The following RLIM variants were observed in gnomAD, a reference collection of about 807,000 sequenced individuals.
RLIM encodes the protein E3 ubiquitin-protein ligase RLIM.
In RLIM, 2 loss-of-function variants were observed where a neutral mutation model predicts 34.0. That is an observed-to-expected ratio of 0.06 (90% CI 0.02 to 0.19). The LOEUF is 0.19. Among genes scored for constraint, RLIM ranks in the 10% least tolerant of loss-of-function variants. The pLI is 1.00. For missense variants in RLIM, 286 were observed against 479.7 expected, an observed-to-expected ratio of 0.60 and a Z score of 3.77; for synonymous variants, 169 against 164.0, an observed-to-expected ratio of 1.03 and a Z score of -0.23.
In RLIM at chrX:74,584,466, T is replaced by C. The variant is rs1569307643; in HGVS notation, c.*6974A>G. Among the ~76,000 whole-genome samples the C allele has an allele frequency of 2.7e-5, 3 of 112,608 alleles. No homozygotes were observed. Among genetic ancestry groups the C allele is most frequent in the Non-Finnish European group, 5.6e-5 (3 of 53,350 alleles). On this transcript the variant is annotated 3_prime_UTR_variant, in exon 4 of 4. Transcript: ENST00000332687. ...TGCAAGGCCTTATAGTTAAATCTTG[T>C]CTAAATTCAAAGACCTCAAAGAAAC...
In RLIM at chrX:74,583,773, C is replaced by T. The variant is rs1213882549; in HGVS notation, c.*7667G>A. On this transcript the variant is annotated 3_prime_UTR_variant, in exon 4 of 4. Coordinates refer to ENST00000332687, the MANE Select transcript of RLIM (RefSeq NM_016120.4). ...AAACAAAAAACAATTTGCGGCCGGG[C>T]GTGGTGGCTCACGCCTGTAATACCA... Among the ~76,000 whole-genome samples, 1 of 111,764 alleles carries T rather than the reference C, an allele frequency of 8.9e-6. No homozygotes were observed. Among genetic ancestry groups the T allele is most frequent in the East Asian group, 2.8e-4 (1 of 3,575 alleles).
Position 74,614,527 on chromosome X carries a change from G to A in RLIM, c.-129C>T, listed in dbSNP as rs1159917371. On this transcript the variant is annotated 5_prime_UTR_variant, in exon 1 of 4. Transcript: ENST00000332687. ...TCAAGCCCGCCTCCAATGAGTAGCT[G>A]GTTGAGACCCGCCTCTAGCCCAGCG... is the stretch of plus-strand genomic sequence containing the variant. 8.9e-6 allele frequency: 1 copy of A among 112,605 alleles called. No homozygotes were observed. Among genetic ancestry groups the A allele is most frequent in the Non-Finnish European group, 1.9e-5 (1 of 53,251 alleles). The allele number at this position is 112,605 out of a possible 1,213,427, so 9.3% of individuals were successfully genotyped here.
At chrX:74,603,866 T>C (rs1226315271) in intron 1 of RLIM, among the ~76,000 whole-genome samples, 2 of 111,325 alleles carry the variant, frequency 1.8e-5, no homozygotes, top group Non-Finnish European at 3.8e-5. Context: ...TCCCAGCACT[T>C]TGGGAGGCCG....
At chrX:74,603,716 ATATG>A (rs1218907951) in intron 1 of RLIM, among the ~76,000 whole-genome samples, 1 of 111,810 alleles carries the variant, frequency 8.9e-6, no homozygotes, top group Admixed American at 9.6e-5. Flanking sequence ...TTTGAACCAT[ATATG>A]TAATTTTTCA....
In RLIM at chrX:74,591,886, G is replaced by A. The variant is rs2079616126; in HGVS notation, c.1429C>T (p.Pro477Ser). ...SSSSSSSSSS[P>S]SSSSGGESSE... ...CTTTCACCACCGGAACTGGAACTAG[G>A]ACTGGAACTGGAACTTGAACTGGAA... is the stretch of plus-strand genomic sequence containing the variant. The change falls in exon 4 of 4, where the codon CCT (proline) becomes TCT (serine). Residue 477 changes from proline (P) to serine (S), a missense_variant. Physicochemically the swap from Pro to Ser is moderately conservative, Grantham distance 74. Coordinates refer to ENST00000332687, the MANE Select transcript of RLIM (RefSeq NM_016120.4). The A allele has an allele frequency of 8.3e-7, 1 of 1,205,496 alleles. No individual in the cohort carries two copies. The highest frequency in any genetic ancestry group is 1.1e-6 in the Non-Finnish European group (1 of 892,112).
chrX:74,599,168 G>A (rs1398991113), intron 1 of RLIM, among the ~76,000 whole-genome samples: 1 of 111,425 alleles, frequency 9.0e-6, no homozygotes, highest in Non-Finnish European at 1.9e-5. Flanking sequence ...ATACTATCTG[G>A]CCTTTTAAAG....
chrX:74,606,451 T>C (rs2079682480), intron 1 of RLIM, among the ~76,000 whole-genome samples: 1 of 112,050 alleles, frequency 8.9e-6, no homozygotes, highest in Non-Finnish European at 1.9e-5. Context: ...AATTTTAAAG[T>C]ATTGTTAATA....
intron 3 of RLIM, among the ~76,000 whole-genome samples, chrX:74,593,643 T>A (rs2079626555): frequency 8.9e-6 from 1 of 112,756 alleles, no homozygotes; most frequent in Non-Finnish European, 1.9e-5. Flanking sequence ...AAAGATCAGA[T>A]CAAATAAGTA....
intron 1 of RLIM, among the ~76,000 whole-genome samples, chrX:74,601,348 T>C (rs1237632638): frequency 8.9e-6 from 1 of 112,035 alleles, no homozygotes; most frequent in African/African-American, 3.2e-5. Context: ...AGATGCTAAA[T>C]GATCCAATCT....
At position 74,605,900 on chromosome X, in the gene RLIM, G is replaced by A. The variant is rs137864571; in HGVS notation, c.-24+8522C>T. On this transcript the variant is annotated intron_variant, in intron 1 of 3. Coordinates refer to ENST00000332687, the MANE Select transcript of RLIM (RefSeq NM_016120.4). ...AAGAAAGTGATTTACCAAAAACCAT[G>A]TGACTAGTAAGTGGGAAAGGGCCAG... is the stretch of plus-strand genomic sequence containing the variant. 4.2e-3 allele frequency among the ~76,000 whole-genome samples: 471 copies of A among 111,885 alleles called. 4 individuals carry two copies. Among genetic ancestry groups the A allele is most frequent in the African/African-American group, 0.014 (440 of 30,804 alleles).
chrX:74,610,103 T>C (rs1010966157), intron 1 of RLIM, among the ~76,000 whole-genome samples: 4 of 112,507 alleles, frequency 3.6e-5, no homozygotes, highest in African/African-American at 9.7e-5. Flanking sequence ...TAGGTGCTAC[T>C]GTGACTAATG....
Position 74,609,487 on chromosome X carries a change from CAAAAAAAAAAAA to C in RLIM, c.-24+4923_-24+4934del, listed in dbSNP as rs752008137. On this transcript the variant is annotated intron_variant, in intron 1 of 3. Transcript: ENST00000332687. Reference sequence around the variant, plus strand: ...TGGGCGACAGAGCGAGACTCCGTTTCAAAAAAAAAAAAAAAAAAAAAAAAAAAAAATTAAAAT... The same window carrying C: ...TGGGCGACAGAGCGAGACTCCGTTTCAAAAAAAAAAAAAAAAAATTAAAAT... Among the ~76,000 whole-genome samples, 61 of 32,794 alleles carry C rather than the reference CAAAAAAAAAAAA, an allele frequency of 1.9e-3. 2 individuals carry two copies. Among genetic ancestry groups the C allele is most frequent in the South Asian group, 6.0e-3 (2 of 334 alleles). 28.5% of individuals were successfully genotyped at this position (32,794 alleles called of 115,157 possible). A position where few individuals can be genotyped will look rare whatever the true frequency, so the allele number is the denominator to read the frequency against.
intron 1 of RLIM, among the ~76,000 whole-genome samples, chrX:74,610,903 AAT>A (rs2079707829): frequency 9.0e-6 from 1 of 111,470 alleles, no homozygotes; most frequent in East Asian, 2.8e-4. Flanking sequence ...AAAATAAAAA[AAT>A]AAAAAATAAA....
chrX:74,588,255 A>T lies in RLIM; in HGVS notation c.*3185T>A, dbSNP rs921753633. On this transcript the variant is annotated 3_prime_UTR_variant, in exon 4 of 4. Coordinates refer to ENST00000332687, the MANE Select transcript of RLIM (RefSeq NM_016120.4). The stretch of plus-strand genomic sequence containing the variant: ...GAGGCCGAGGCAGGCACATCACTTG[A>T]GGTCAGGAGTTCAAGACCAGCCTGG... 4 of 111,630 alleles carry T rather than the reference A, an allele frequency of 3.6e-5. No homozygotes were observed. Among genetic ancestry groups the T allele is most frequent in the African/African-American group, 9.8e-5 (3 of 30,664 alleles). 9.2% of individuals were successfully genotyped at this position (111,630 alleles called of 1,213,427 possible). A position where few individuals can be genotyped will look rare whatever the true frequency, so the allele number is the denominator to read the frequency against.
rs1352424993 is a variant in RLIM at position 74,586,168 on chromosome X, C to T, written c.*5272G>A. 1.8e-5 allele frequency: 2 copies of T among 112,038 alleles called. No individual in the cohort carries two copies. Among genetic ancestry groups the T allele is most frequent in the African/African-American group, 6.5e-5 (2 of 30,764 alleles). The allele number at this position is 112,038 out of a possible 1,213,427, so 9.2% of individuals were successfully genotyped here. A position where few individuals can be genotyped will look rare whatever the true frequency, so the allele number is the denominator to read the frequency against. Reference sequence around the variant, plus strand: ...TGGCCCTACATCCTTAAAAGCAGCACCAGGGACAAATGGAGCTATCAAGAG... The same window carrying T: ...TGGCCCTACATCCTTAAAAGCAGCATCAGGGACAAATGGAGCTATCAAGAG... On this transcript the variant is annotated 3_prime_UTR_variant, in exon 4 of 4. Transcript: ENST00000332687.
Position 74,583,536 on chromosome X carries a change from G to A in RLIM, c.*7904C>T. 1.8e-6 allele frequency: 1 copy of A among 542,253 alleles called. No individual in the cohort carries two copies. The highest frequency in any genetic ancestry group is 3.3e-6 in the Non-Finnish European group (1 of 301,893). The allele number at this position is 542,253 out of a possible 1,213,427, so 44.7% of individuals were successfully genotyped here. On this transcript the variant is annotated 3_prime_UTR_variant, in exon 4 of 4. Coordinates refer to ENST00000332687, the MANE Select transcript of RLIM (RefSeq NM_016120.4). Reference sequence around the variant, plus strand: ...TGCAAGACGTGGACCCATTGTCTGTGTTGATGAATTCACCAAATTTTTATT... The same window carrying A: ...TGCAAGACGTGGACCCATTGTCTGTATTGATGAATTCACCAAATTTTTATT...
chrX:74,583,672 G>A lies in RLIM; in HGVS notation c.*7768C>T. On this transcript the variant is annotated 3_prime_UTR_variant, in exon 4 of 4. Transcript: ENST00000332687. Reference sequence around the variant, plus strand: ...AATGATAGTTCATGTTATTCATAGTGCTAAGGTGTATCTGGTAATGCCCAG... The same window carrying A: ...AATGATAGTTCATGTTATTCATAGTACTAAGGTGTATCTGGTAATGCCCAG... 2.6e-6 allele frequency: 1 copy of A among 385,267 alleles called. No homozygotes were observed. Among genetic ancestry groups the A allele is most frequent in the Non-Finnish European group, 4.5e-6 (1 of 219,944 alleles). 31.8% of individuals were successfully genotyped at this position (385,267 alleles called of 1,213,427 possible).
rs1931257417 is a variant in RLIM, at chrX:74,583,290, A to G, written c.*8150T>C. 2.9e-6 allele frequency: 3 copies of G among 1,017,456 alleles called. No homozygotes were observed. The highest frequency in any genetic ancestry group is 4.2e-6 in the Non-Finnish European group (3 of 717,175). The allele number at this position is 1,017,456 out of a possible 1,213,427, so 83.8% of individuals were successfully genotyped here. ...GGCAAGAGTAGGGTGCATGGCTTGA[A>G]TAAGAGGAAACAGCCATTCACCCAA... On this transcript the variant is annotated 3_prime_UTR_variant, in exon 4 of 4. Transcript: ENST00000332687.
At chrX:74,598,516 C>T (rs952350414) in intron 1 of RLIM, among the ~76,000 whole-genome samples, 6 of 110,640 alleles carry the variant, frequency 5.4e-5, no homozygotes, top group Middle Eastern at 4.2e-3. Context: ...CGGTGGCTCA[C>T]GCCTGTAATC....
Sources: allele counts gnomAD v4.1 joint callset (sites outside exome capture counted in the v4.1 genomes callset), GRCh38; gene constraint gnomAD v4.1.1; transcripts MANE v1.5; gene names NCBI Gene and HGNC (gene_info 2026-07-23, HGNC 2026-07-21).